The following RUNX2 variants were observed in gnomAD, a reference collection of about 807,000 sequenced individuals.
RUNX2 encodes the protein RUNX family transcription factor 2, also known as runt-related transcription factor 2.
A neutral mutation model predicts 51.7 loss-of-function variants in RUNX2; 10 were observed. The observed-to-expected ratio is 0.19, with a 90% CI of 0.12 to 0.33. The LOEUF (loss-of-function observed/expected upper bound fraction) is 0.33. Ranked by LOEUF, RUNX2 falls within the 10% of genes least tolerant of loss-of-function variation. The pLI, the probability that RUNX2 is intolerant of heterozygous loss-of-function variation, is 1.00. For synonymous variants in RUNX2, 276 were observed against 273.6 expected, an observed-to-expected ratio of 1.01 and a Z score of -0.09; for missense variants, 562 against 691.3, an observed-to-expected ratio of 0.81 and a Z score of 2.10.
chr6:45,365,371 G>T, intron 2 of RUNX2: 2 of 1,038,834 alleles, frequency 1.9e-6, no homozygotes, highest in Non-Finnish European at 2.8e-6. Context: ...AAAAAAGAAA[G>T]CAAATATAAA....
intron 5 of RUNX2, among the ~76,000 whole-genome samples, chr6:45,439,808 A>G (rs1209489576): frequency 6.6e-6 from 1 of 152,184 alleles, no homozygotes; most frequent in African/African-American, 2.4e-5. Flanking sequence ...CGATATGACA[A>G]TAAGTGAGAA....
At chr6:45,512,143 TC>T in intron 6 of RUNX2, 102 bp from the exon 7 acceptor site, 2 of 1,081,158 alleles carry the variant, frequency 1.8e-6, no homozygotes, top group Admixed American at 1.9e-5. Flanking sequence ...CATTTTTTTT[TC>T]TCTCCCTGTT....
At chr6:45,511,243 G>A (rs1227213421) in intron 6 of RUNX2, among the ~76,000 whole-genome samples, 1 of 151,996 alleles carries the variant, frequency 6.6e-6, no homozygotes, top group Non-Finnish European at 1.5e-5. Flanking sequence ...CCTTGAGTTT[G>A]TACCTCCAAG....
chr6:45,475,118 C>A (rs539575335), intron 5 of RUNX2, among the ~76,000 whole-genome samples: 3 of 133,928 alleles, frequency 2.2e-5, no homozygotes, highest in East Asian at 2.1e-4. Flanking sequence ...AGTAAGACTC[C>A]ATCTTAAAAA....
chr6:45,493,005 T>A (rs183091190), intron 6 of RUNX2, among the ~76,000 whole-genome samples: 2 of 152,186 alleles, frequency 1.3e-5, no homozygotes, highest in African/African-American at 2.4e-5. Context: ...AACATGGATC[T>A]TTTTTATGGT....
intron 2 of RUNX2, among the ~76,000 whole-genome samples, chr6:45,376,173 C>G (rs1796746904): frequency 6.6e-6 from 1 of 152,060 alleles, no homozygotes; most frequent in Non-Finnish European, 1.5e-5. Flanking sequence ...TAGGAGACAA[C>G]GTTTTGCTTT....
At chr6:45,539,219 TTCTC>T (rs563329125) in intron 7 of RUNX2, among the ~76,000 whole-genome samples, 4 of 151,318 alleles carry the variant, frequency 2.6e-5, no homozygotes, top group Admixed American at 6.6e-5. Context: ...AGGTTTTTTT[TTCTC>T]TCTCTCTCTC....
intron 8 of RUNX2, 101 bp downstream of exon 8, chr6:45,545,383 T>C: frequency 7.7e-7 from 1 of 1,292,572 alleles, no homozygotes; most frequent in Non-Finnish European, 1.1e-6. Context: ...ATATGTTGCT[T>C]TTAAAGAGTC....
chr6:45,366,291 AT>A, intron 2 of RUNX2, among the ~76,000 whole-genome samples: 1 of 152,296 alleles, frequency 6.6e-6, no homozygotes, highest in South Asian at 2.1e-4. Flanking sequence ...GACTGCCTAG[AT>A]TTGAATCCCA....
In RUNX2 at chr6:45,328,765, T is replaced by C; in HGVS notation, c.39T>C (p.Cys13=). 1 of 1,612,182 alleles carries C rather than the reference T, an allele frequency of 6.2e-7. No individual in the cohort carries two copies. The highest frequency in any genetic ancestry group is 8.5e-7 in the Non-Finnish European group (1 of 1,178,700). ...GCCTCTTCAGCACAGTGACACCATG[T>C]CAGCAAAACTTCTTTTGGGGTAAGT... ...SNSLFSTVTP[C]QQNFFWDPST... Residue 13 remains cysteine (C), a synonymous_variant, in exon 2 of 9, where the codon TGT becomes TGC. Coordinates refer to ENST00000647337, the MANE Select transcript of RUNX2 (RefSeq NM_001024630.4).
chr6:45,425,825 A>G (rs1232459633), intron 3 of RUNX2, among the ~76,000 whole-genome samples: 1 of 152,206 alleles, frequency 6.6e-6, no homozygotes, highest in Non-Finnish European at 1.5e-5. Context: ...ATTTAGAGCT[A>G]TGTAAAAAAT....
intron 2 of RUNX2, among the ~76,000 whole-genome samples, chr6:45,388,490 T>C (rs201454681): frequency 2.0e-5 from 3 of 152,166 alleles, no homozygotes; most frequent in East Asian, 1.9e-4. Flanking sequence ...ACCTGCAGAA[T>C]CAGATACTCT....
intron 3 of RUNX2, among the ~76,000 whole-genome samples, chr6:45,424,442 C>T (rs1798329414): frequency 6.6e-6 from 1 of 152,150 alleles, no homozygotes; most frequent in Admixed American, 6.5e-5. Flanking sequence ...CAGAAAGGTG[C>T]TTTGGGCCCT....
At chr6:45,460,698 G>C (rs1799450024) in intron 5 of RUNX2, among the ~76,000 whole-genome samples, 1 of 151,828 alleles carries the variant, frequency 6.6e-6, no homozygotes, top group South Asian at 2.1e-4. Context: ...GTTCGAGGCT[G>C]TCATGTGCTA....
chr6:45,387,269 G>A (rs1156734601), intron 2 of RUNX2, among the ~76,000 whole-genome samples: 1 of 152,162 alleles, frequency 6.6e-6, no homozygotes, highest in Admixed American at 6.5e-5. Context: ...AATCTCAGTG[G>A]CTATGACAAG....
chr6:45,335,792 AT>A (rs1470557735), intron 2 of RUNX2, among the ~76,000 whole-genome samples: 2 of 151,374 alleles, frequency 1.3e-5, no homozygotes, highest in Non-Finnish European at 3.0e-5. Context: ...ATTAGGCAGG[AT>A]AAATGGTTAC....
At chr6:45,415,090 A>G (rs1437916007) in intron 2 of RUNX2, among the ~76,000 whole-genome samples, 3 of 152,146 alleles carry the variant, frequency 2.0e-5, no homozygotes, top group African/African-American at 7.2e-5. Context: ...CAGTGGAGTG[A>G]TCCAAAATGG....
intron 2 of RUNX2, among the ~76,000 whole-genome samples, chr6:45,403,752 C>T (rs1797771286): frequency 1.3e-5 from 2 of 152,144 alleles, no homozygotes; most frequent in South Asian, 2.1e-4. Context: ...ATGGAGCTGA[C>T]ATTCTAACCT....
At chr6:45,480,099 C>T (rs969367103) in intron 5 of RUNX2, among the ~76,000 whole-genome samples, 7 of 152,132 alleles carry the variant, frequency 4.6e-5, no homozygotes, top group Non-Finnish European at 8.8e-5. Context: ...CAATAGACTC[C>T]CCTTCATTAC....
Sources: gnomAD v4.1 joint callset for allele counts (sites outside exome capture counted in the v4.1 genomes callset) on GRCh38, gnomAD v4.1.1 for gene constraint, MANE v1.5 for transcripts, NCBI Gene and HGNC (gene_info 2026-07-23, HGNC 2026-07-21) for gene names.